The following ZNRF2 variants were observed in gnomAD, a reference collection of about 807,000 sequenced individuals.
ZNRF2 encodes the protein zinc and ring finger 2, also known as E3 ubiquitin-protein ligase ZNRF2.
In ZNRF2, 16 loss-of-function variants were observed where a neutral mutation model predicts 20.4. The ratio of observed to expected loss-of-function variants is 0.79; its 90% confidence interval spans 0.53 to 1.19. The LOEUF is 1.19. ZNRF2 is among the 50% of genes most tolerant of loss of function. ZNRF2 has a pLI of 0.00. For synonymous variants in ZNRF2, 178 were observed against 144.9 expected (o/e 1.23, Z -1.64); for missense variants, 363 against 332.4 (o/e 1.09, Z -0.72).
intron 3 of ZNRF2, among the ~76,000 whole-genome samples, chr7:30,359,219 A>G (rs930033529): frequency 2.0e-5 from 3 of 152,222 alleles, no homozygotes; most frequent in African/African-American, 7.2e-5. Context: ...ACTTCTTGGT[A>G]GAGAATTATT....
At position 30,284,778 on chromosome 7, in the gene ZNRF2, C is replaced by T. The variant is rs1354149778; in HGVS notation, c.-580C>T. 5.5e-6 allele frequency: 1 copy of T among 182,430 alleles called. No individual in the cohort carries two copies. The highest frequency in any genetic ancestry group is 1.2e-5 in the Non-Finnish European group (1 of 83,878). 11.3% of individuals were successfully genotyped at this position (182,430 alleles called of 1,614,324 possible). The stretch of plus-strand genomic sequence containing the variant: ...TTGCCGGGAAGCGCGCGCCACCTCT[C>T]CCTCCCATTTTTCGTTCTCCCCTCG... On this transcript the variant is annotated 5_prime_UTR_variant, in exon 1 of 5. Coordinates refer to ENST00000323037, the MANE Select transcript of ZNRF2 (RefSeq NM_147128.4).
intron 3 of ZNRF2, among the ~76,000 whole-genome samples, chr7:30,361,786 A>T (rs2127958063): frequency 6.6e-6 from 1 of 152,316 alleles, no homozygotes; most frequent in South Asian, 2.1e-4. Context: ...TGGACAGTGC[A>T]GATCCACAAT....
chr7:30,338,267 G>T (rs1456784468), intron 2 of ZNRF2, among the ~76,000 whole-genome samples: 1 of 151,254 alleles, frequency 6.6e-6, no homozygotes, highest in African/African-American at 2.4e-5. Flanking sequence ...GTCCAAAGAT[G>T]CTGTGCCCAT....
At chr7:30,314,978 G>A (rs983742481) in intron 1 of ZNRF2, among the ~76,000 whole-genome samples, 8 of 151,890 alleles carry the variant, frequency 5.3e-5, no homozygotes, top group Non-Finnish European at 1.0e-4. Context: ...CACCATGTCT[G>A]GCTAATTTTT....
chr7:30,289,800 T>A (rs1366960432), intron 1 of ZNRF2: 1 of 534,382 alleles, frequency 1.9e-6, no homozygotes, highest in Non-Finnish European at 3.8e-6. Context: ...ATTTTGATGC[T>A]TTGCTGGCTG....
intron 1 of ZNRF2, among the ~76,000 whole-genome samples, chr7:30,287,559 G>C (rs1290043515): frequency 6.6e-6 from 1 of 152,200 alleles, no homozygotes; most frequent in Non-Finnish European, 1.5e-5. Flanking sequence ...AGAGACAGTT[G>C]AGCCCCATGC....
chr7:30,350,964 G>C (rs1176020902), intron 2 of ZNRF2, among the ~76,000 whole-genome samples: 4 of 150,798 alleles, frequency 2.7e-5, no homozygotes, highest in Non-Finnish European at 5.9e-5. Flanking sequence ...AGTTTCCTTG[G>C]CTGCCTAACA....
intron 1 of ZNRF2, among the ~76,000 whole-genome samples, chr7:30,305,454 C>A (rs1434393537): frequency 6.6e-6 from 1 of 151,946 alleles, no homozygotes; most frequent in Non-Finnish European, 1.5e-5. Context: ...CTTTTATTTT[C>A]ATGTAGATAG....
chr7:30,322,486 C>G (rs918407879), intron 1 of ZNRF2, among the ~76,000 whole-genome samples: 1 of 152,182 alleles, frequency 6.6e-6, no homozygotes, highest in African/African-American at 2.4e-5. Context: ...CCTGTCTACA[C>G]TCTAGCTTCA....
intron 1 of ZNRF2, among the ~76,000 whole-genome samples, chr7:30,316,322 A>G (rs1315965334): frequency 1.7e-4 from 21 of 126,454 alleles, no homozygotes; most frequent in African/African-American, 5.8e-4. Context: ...AAAAAAAAAG[A>G]ATTGTCATAA....
intron 4 of ZNRF2, 84 bp downstream of exon 4, chr7:30,362,540 T>TGCACCTCAA: frequency 2.6e-6 from 2 of 776,114 alleles, no homozygotes; most frequent in Non-Finnish European, 4.1e-6. Context: ...CATTTACTCA[T>TGCACCTCAA]TGAGGTGCAT....
At chr7:30,342,388 G>A (rs906224546) in intron 2 of ZNRF2, among the ~76,000 whole-genome samples, 1 of 152,062 alleles carries the variant, frequency 6.6e-6, no homozygotes, top group Non-Finnish European at 1.5e-5. Context: ...TCCATATTTA[G>A]TGCTTCCTTC....
rs111981091 is a variant in ZNRF2 at position 30,366,677 on chromosome 7, T to C, written c.*665T>C. 3.4e-3 allele frequency: 522 copies of C among 152,668 alleles called. 3 individuals are homozygous for C. The highest frequency in any genetic ancestry group is 0.012 in the African/African-American group (496 of 41,556). The allele number at this position is 152,668 out of a possible 1,614,324, so 9.5% of individuals were successfully genotyped here. Reference sequence around the variant, plus strand: ...ATATTTTTAAATTAAAGGTTTAATATCAGAATGCAGTCCAAAGAGCAAATC... The same window carrying C: ...ATATTTTTAAATTAAAGGTTTAATACCAGAATGCAGTCCAAAGAGCAAATC... On this transcript the variant is annotated 3_prime_UTR_variant, in exon 5 of 5. Transcript: ENST00000323037.
At chr7:30,289,855 G>A (rs1287422791) in intron 1 of ZNRF2, 3 of 534,222 alleles carry the variant, frequency 5.6e-6, no homozygotes, top group Non-Finnish European at 1.2e-5. Context: ...GTAAGATAGT[G>A]TCTTACTCCC....
At chr7:30,362,984 G>A (rs1186707945) in intron 4 of ZNRF2, among the ~76,000 whole-genome samples, 1 of 152,218 alleles carries the variant, frequency 6.6e-6, no homozygotes, top group Non-Finnish European at 1.5e-5. Context: ...AGCCAGGCCT[G>A]GTGGCGGGTG....
At chr7:30,329,814 A>G (rs752326020) in intron 2 of ZNRF2, among the ~76,000 whole-genome samples, 3 of 152,318 alleles carry the variant, frequency 2.0e-5, no homozygotes, top group Non-Finnish European at 2.9e-5. Context: ...TCTTTTGGAT[A>G]TATATCCAGT....
At position 30,285,683 on chromosome 7, in the gene ZNRF2, G is replaced by T; in HGVS notation, c.326G>T (p.Gly109Val). ...TTCAGCATCCCGAACAGCAGCAGCG[G>T]CCCGTACGGCTCGCAGGACTCGGTG... ...SPFSIPNSSSGPYGSQDSVHS... is the reference protein window; with the variant it reads ...SPFSIPNSSSVPYGSQDSVHS... The change falls in exon 1 of 5, where the codon GGC (glycine) becomes GTC (valine). Residue 109 changes from glycine to valine, a missense_variant. Gly to Val is a moderately radical substitution (Grantham distance 109). Transcript: ENST00000323037. The T allele has an allele frequency of 1.4e-6, 2 of 1,458,766 alleles. No homozygotes were observed. The highest frequency in any genetic ancestry group is 1.8e-6 in the Non-Finnish European group (2 of 1,112,314). 90.4% of individuals were successfully genotyped at this position (1,458,766 alleles called of 1,614,324 possible). A position where few individuals can be genotyped will look rare whatever the true frequency, so the allele number is the denominator to read the frequency against.
At chr7:30,336,439 G>A (rs1799717357) in intron 2 of ZNRF2, among the ~76,000 whole-genome samples, 2 of 151,808 alleles carry the variant, frequency 1.3e-5, no homozygotes, top group South Asian at 2.1e-4. Context: ...CGTCTTGGGG[G>A]GAACTATATT....
intron 1 of ZNRF2, among the ~76,000 whole-genome samples, chr7:30,311,768 G>A (rs928990532): frequency 6.6e-6 from 1 of 152,104 alleles, no homozygotes; most frequent in Admixed American, 6.5e-5. Flanking sequence ...TGGTAACACT[G>A]AGTCCAATTA....
Sources: allele counts gnomAD v4.1 joint callset (sites outside exome capture counted in the v4.1 genomes callset), GRCh38; gene constraint gnomAD v4.1.1; transcripts MANE v1.5; gene names NCBI Gene and HGNC (gene_info 2026-07-23, HGNC 2026-07-21).